CALCRL: variants seen among roughly 807,000 people sequenced by gnomAD.
CALCRL encodes the protein calcitonin gene-related peptide type 1 receptor.
A neutral mutation model predicts 60.4 loss-of-function variants in CALCRL; 27 were observed. The ratio of observed to expected loss-of-function variants is 0.45; its 90% CI spans 0.33 to 0.62. The LOEUF (loss-of-function observed/expected upper bound fraction) is 0.62, where lower values mean the gene tolerates loss of function less well. Ranked by LOEUF, CALCRL falls within the 20% of genes least tolerant of loss-of-function variation. The pLI, the probability that CALCRL is intolerant of heterozygous loss-of-function variation, is 0.03. For synonymous variants in CALCRL, 190 were observed against 182.6 expected (o/e 1.04, Z -0.33); for missense variants, 424 against 540.7 (o/e 0.78, Z 2.14).
Position 187,346,125 on chromosome 2 carries a change from G to T in CALCRL, c.*59C>A. On this transcript the variant is annotated 3_prime_UTR_variant, in exon 15 of 15. Coordinates refer to ENST00000392370, the MANE Select transcript of CALCRL (RefSeq NM_005795.6). ...TGAAGTCTTCTGGCTACAGAGTCATGGGTCCAAGTCCTTGAGTTAGGAGAA... is the reference window on the plus strand; with the variant it reads ...TGAAGTCTTCTGGCTACAGAGTCATTGGTCCAAGTCCTTGAGTTAGGAGAA... 9.5e-7 allele frequency: 1 copy of T among 1,048,140 alleles called. No homozygotes were observed. Among genetic ancestry groups the T allele is most frequent in the Non-Finnish European group, 1.4e-6 (1 of 710,428 alleles). The allele number at this position is 1,048,140 out of a possible 1,614,324, so 64.9% of individuals were successfully genotyped here. A position where few individuals can be genotyped will look rare whatever the true frequency, so the allele number is the denominator to read the frequency against.
At chr2:187,358,527 C>A (rs1000788056) in intron 12 of CALCRL, among the ~76,000 whole-genome samples, 2 of 149,932 alleles carry the variant, frequency 1.3e-5, no homozygotes, top group East Asian at 2.0e-4. Context: ...TCCCACCCCC[C>A]CCTGCTAGAT....
At chr2:187,362,205 T>G (rs1363086164) in intron 9 of CALCRL, among the ~76,000 whole-genome samples, 1 of 152,046 alleles carries the variant, frequency 6.6e-6, no homozygotes, top group Admixed American at 6.6e-5. Context: ...AATGTGTTTA[T>G]TAAACACATC....
At chr2:187,442,603 C>CT (rs1335500213) in intron 1 of CALCRL, among the ~76,000 whole-genome samples, 1 of 151,680 alleles carries the variant, frequency 6.6e-6, no homozygotes, top group African/African-American at 2.4e-5. Flanking sequence ...ATAATAAGAA[C>CT]TTTAAAAAAA....
intron 5 of CALCRL, among the ~76,000 whole-genome samples, chr2:187,381,145 A>G (rs1340916687): frequency 6.6e-6 from 1 of 152,106 alleles, no homozygotes; most frequent in Non-Finnish European, 1.5e-5. Flanking sequence ...ATGGGAAATT[A>G]GAAACATGTT....
intron 1 of CALCRL, among the ~76,000 whole-genome samples, chr2:187,439,681 T>C (rs1341176545): frequency 7.9e-5 from 12 of 152,170 alleles, no homozygotes. Context: ...GAGTTCACAT[T>C]GGAGCAAGAT....
chr2:187,438,392 C>T (rs938290180), intron 1 of CALCRL, among the ~76,000 whole-genome samples: 1 of 152,162 alleles, frequency 6.6e-6, no homozygotes, highest in African/African-American at 2.4e-5. Flanking sequence ...TATACATCAA[C>T]ACTGAAAAGC....
rs3771089 is a variant in CALCRL at position 187,365,419 on chromosome 2, C to A, written c.501-1917G>T. Among the ~76,000 whole-genome samples, 20 of 151,856 alleles carry A rather than the reference C, an allele frequency of 1.3e-4. 1 individual carries two copies. The highest frequency in any genetic ancestry group is 2.5e-4 in the Non-Finnish European group (17 of 67,962). Reference sequence around the variant, plus strand: ...TTGTTTAGAGAGAGGAACTGCTTATCCATGCAAATATACATGTTTTTAGTA... The same window carrying A: ...TTGTTTAGAGAGAGGAACTGCTTATACATGCAAATATACATGTTTTTAGTA... On this transcript the variant is annotated intron_variant, in intron 8 of 14. Coordinates refer to ENST00000392370, the MANE Select transcript of CALCRL (RefSeq NM_005795.6).
At chr2:187,360,858 A>C (rs1350986427) in intron 9 of CALCRL, 107 bp from the exon 10 acceptor site, 9 of 947,930 alleles carry the variant, frequency 9.5e-6, no homozygotes, top group Non-Finnish European at 1.4e-5. Context: ...CTACACACAA[A>C]ATCCTATACA....
intron 2 of CALCRL, 35 bp downstream of exon 2, chr2:187,387,631 T>C: frequency 2.5e-6 from 1 of 395,262 alleles, no homozygotes; most frequent in Non-Finnish European, 4.5e-6. Flanking sequence ...TTTATTAAAT[T>C]TTACCATGAG....
intron 7 of CALCRL, among the ~76,000 whole-genome samples, chr2:187,380,066 T>C (rs1687922244): frequency 6.6e-6 from 1 of 152,214 alleles, no homozygotes; most frequent in African/African-American, 2.4e-5. Context: ...GAGATCCTTC[T>C]GCTGAGGGAG....
intron 1 of CALCRL, among the ~76,000 whole-genome samples, chr2:187,439,432 C>T (rs1306786473): frequency 1.3e-5 from 2 of 151,944 alleles, no homozygotes; most frequent in African/African-American, 4.8e-5. Context: ...CCAGCCTGGG[C>T]AACAGAGCAA....
chr2:187,363,285 G>T, intron 9 of CALCRL, 91 bp downstream of exon 9: 1 of 1,208,100 alleles, frequency 8.3e-7, no homozygotes, highest in Non-Finnish European at 1.1e-6. Context: ...ACATATATGT[G>T]TACTTAATTA....
chr2:187,433,818 T>G (rs1033679935), intron 1 of CALCRL, among the ~76,000 whole-genome samples: 1 of 152,080 alleles, frequency 6.6e-6, no homozygotes, highest in African/African-American at 2.4e-5. Flanking sequence ...AGAAATATAC[T>G]GGTTAAATTC....
At position 187,344,572 on chromosome 2, in the gene CALCRL, A is replaced by G. The variant is rs1169814650; in HGVS notation, c.*1612T>C. The G allele has an allele frequency of 6.6e-6, 1 of 151,708 alleles. No homozygotes were observed. The highest frequency in any genetic ancestry group is 2.4e-5 in the African/African-American group (1 of 41,404). 9.4% of individuals were successfully genotyped at this position (151,708 alleles called of 1,614,324 possible). A position where few individuals can be genotyped will look rare whatever the true frequency, so the allele number is the denominator to read the frequency against. On this transcript the variant is annotated 3_prime_UTR_variant, in exon 15 of 15. Transcript: ENST00000392370. Reference sequence around the variant, plus strand: ...TCCCATGCAAATTTCACTTTAATTCATTAGCAAGGTTTTCTTCTATCTTTA... The same window carrying G: ...TCCCATGCAAATTTCACTTTAATTCGTTAGCAAGGTTTTCTTCTATCTTTA...
At chr2:187,366,554 A>C (rs1331542151) in intron 8 of CALCRL, among the ~76,000 whole-genome samples, 1 of 152,048 alleles carries the variant, frequency 6.6e-6, no homozygotes, top group East Asian at 1.9e-4. Context: ...ATGTCAATTA[A>C]AAAGTGAAAT....
chr2:187,362,840 T>C (rs1479096111), intron 9 of CALCRL, among the ~76,000 whole-genome samples: 1 of 152,132 alleles, frequency 6.6e-6, no homozygotes, highest in Admixed American at 6.6e-5. Flanking sequence ...TTTAATCTTA[T>C]GTAGGATATG....
rs746931553 is a variant in CALCRL at position 187,342,159 on chromosome 2, T to C, written c.*4025A>G. ...TCACAAAAGGTCACATACTATATGA[T>C]TACAATCATATGAAAGTCTAGAATA... On this transcript the variant is annotated 3_prime_UTR_variant, in exon 15 of 15. Coordinates refer to ENST00000392370, the MANE Select transcript of CALCRL (RefSeq NM_005795.6). Among the ~76,000 whole-genome samples the C allele has an allele frequency of 2.8e-4, 42 of 151,784 alleles. No individual in the cohort carries two copies. The highest frequency in any genetic ancestry group is 8.7e-4 in the African/African-American group (36 of 41,400).
intron 3 of CALCRL, among the ~76,000 whole-genome samples, chr2:187,385,884 G>A (rs991967144): frequency 2.6e-5 from 4 of 151,902 alleles, no homozygotes; most frequent in Non-Finnish European, 5.9e-5. Flanking sequence ...CCAAGTAGAT[G>A]GATTACAGGT....
In CALCRL at chr2:187,341,994, AG is replaced by A. The variant is rs1686112345; in HGVS notation, c.*4189del. On this transcript the variant is annotated 3_prime_UTR_variant, in exon 15 of 15. Transcript: ENST00000392370. Reference sequence around the variant, plus strand: ...AGGTATATTATTTATAATAACCAAAAGGTAAAAGCAAAACAAACATATCCAT... The same window carrying A: ...AGGTATATTATTTATAATAACCAAAAGTAAAAGCAAAACAAACATATCCAT... 6.6e-6 allele frequency among the ~76,000 whole-genome samples: 1 copy of A among 151,934 alleles called. No homozygotes were observed. The highest frequency in any genetic ancestry group is 6.6e-5 in the Admixed American group (1 of 15,244).
Sources: allele counts gnomAD v4.1 joint callset (sites outside exome capture counted in the v4.1 genomes callset), GRCh38; gene constraint gnomAD v4.1.1; transcripts MANE v1.5; gene names NCBI Gene and HGNC (gene_info 2026-07-23, HGNC 2026-07-21).